The following C9orf72 variants were observed in gnomAD, a reference collection of about 807,000 sequenced individuals.
C9orf72 encodes the protein guanine nucleotide exchange factor C9orf72.
In C9orf72, 44 loss-of-function variants were observed where a neutral mutation model predicts 51.6. The ratio of observed to expected loss-of-function variants is 0.85; its 90% CI spans 0.67 to 1.10. The LOEUF is 1.10. Ranked by LOEUF, C9orf72 falls within the 50% of genes least tolerant of loss-of-function variation. The pLI, the probability that C9orf72 is intolerant of heterozygous loss-of-function variation, is 0.00. For synonymous variants in C9orf72, 213 were observed against 194.2 expected, an observed-to-expected ratio of 1.10 and a Z score of -0.81; for missense variants, 607 against 570.6, an observed-to-expected ratio of 1.06 and a Z score of -0.65.
At chr9:27,572,056 T>G (rs1414030594) in intron 1 of C9orf72, among the ~76,000 whole-genome samples, 1 of 152,208 alleles carries the variant, frequency 6.6e-6, no homozygotes, top group African/African-American at 2.4e-5. Flanking sequence ...AGGGCAGACT[T>G]GAAAAACAGA....
At position 27,566,711 on chromosome 9, in the gene C9orf72, T is replaced by A. The variant is rs753158467; in HGVS notation, c.410A>T (p.His137Leu). The A allele has an allele frequency of 1.9e-6, 3 of 1,609,864 alleles. No individual in the cohort carries two copies. The highest frequency in any genetic ancestry group is 2.5e-6 in the Non-Finnish European group (3 of 1,177,448). ...CCATATTCTTCCTTTCCGGATTATA[T>A]GTGTTAATCTATCAACACACACTCT... The part of the protein sequence containing the change: ...LHRVCVDRLT[H>L]IIRKGRIWMH... Residue 137 changes from histidine to leucine, a missense_variant, in exon 2 of 11, where the codon CAT (histidine) becomes CTT (leucine). Coordinates refer to ENST00000380003, the MANE Select transcript of C9orf72 (RefSeq NM_018325.5).
chr9:27,565,982 A>G (rs1248754896), intron 2 of C9orf72, among the ~76,000 whole-genome samples: 1 of 152,170 alleles, frequency 6.6e-6, no homozygotes, highest in Admixed American at 6.5e-5. Context: ...CATAGTAAAA[A>G]ATTATTCTTT....
Position 27,565,562 on chromosome 9 carries a change from A to G in C9orf72, c.473T>C (p.Ile158Thr), listed in dbSNP as rs1468916949. 1 of 1,606,816 alleles carries G rather than the reference A, an allele frequency of 6.2e-7. No homozygotes were observed. Among genetic ancestry groups the G allele is most frequent in the Non-Finnish European group, 8.5e-7 (1 of 1,175,794 alleles). The part of the protein sequence containing the change: ...KERQENVQKI[I>T]LEGTERMEDQ... ...TTCCATTCTCTCTGTGCCTTCTAAG[A>G]TAATCTTCTGGACATTTTCTTGTCT... The change falls in exon 3 of 11, where the codon ATC becomes ACC. Residue 158 changes from isoleucine (I) to threonine (T), a missense_variant. Coordinates refer to ENST00000380003, the MANE Select transcript of C9orf72 (RefSeq NM_018325.5).
At position 27,560,229 on chromosome 9, in the gene C9orf72, T is replaced by C. The variant is rs1048860037; in HGVS notation, c.736A>G (p.Lys246Glu). 6.3e-7 allele frequency: 1 copy of C among 1,596,478 alleles called. No individual in the cohort carries two copies. The highest frequency in any genetic ancestry group is 8.6e-7 in the Non-Finnish European group (1 of 1,168,518). The change falls in exon 6 of 11, where the codon AAG (lysine) becomes GAG (glutamate). Residue 246 changes from lysine (K) to glutamate (E), a missense_variant and splice_region_variant. Coordinates refer to ENST00000380003, the MANE Select transcript of C9orf72 (RefSeq NM_018325.5). ...VVGSSAEKVN[K>E]IVRTLCLFLT... ...TGCTAGATTATAAAATAAACTACCT[T>C]ATTTACTTTCTCTGCACTGCTACCT...
In C9orf72 at chr9:27,548,282, G is replaced by A. The variant is rs1820814765; in HGVS notation, c.1400C>T (p.Pro467Leu). The change falls in exon 11 of 11, where the codon CCT becomes CTT. Residue 467 changes from proline to leucine, a missense_variant. Transcript: ENST00000380003. Reference sequence around the variant, plus strand: ...TCGTTCTTGCACACTAGTGTAGAAAGGTCTTCCAAAGATAAAAGAGTGTAG... The same window carrying A: ...TCGTTCTTGCACACTAGTGTAGAAAAGTCTTCCAAAGATAAAAGAGTGTAG... ...PGLHSFIFGRPFYTSVQERDV... is the reference protein window; with the variant it reads ...PGLHSFIFGRLFYTSVQERDV... The A allele has an allele frequency of 2.5e-6, 4 of 1,612,592 alleles. No individual in the cohort carries two copies. The highest frequency in any genetic ancestry group is 3.4e-6 in the Non-Finnish European group (4 of 1,179,268).
chr9:27,555,625 A>G (rs1563900683), intron 8 of C9orf72, among the ~76,000 whole-genome samples: 1 of 150,362 alleles, frequency 6.7e-6, no homozygotes, highest in Non-Finnish European at 1.5e-5. Flanking sequence ...ACACTGGCAC[A>G]TCATAACTCC....
intron 7 of C9orf72, among the ~76,000 whole-genome samples, chr9:27,557,226 G>T (rs1819222909): frequency 6.6e-6 from 1 of 151,882 alleles, no homozygotes. Context: ...ATTAACAGTG[G>T]GTATTCACTG....
Position 27,548,597 on chromosome 9 carries a change from T to C in C9orf72, c.1219A>G (p.Arg407Gly). ...FLAQFLLVLH[R>G]KALTLIKYIE... ...TATTTTATTAGTGTCAAGGCTTTTC[T>C]GTGAAGGACAAGTAGAAACTGTGCA... The change falls in exon 10 of 11, where the codon AGA becomes GGA. Residue 407 changes from arginine to glycine, a missense_variant. By Grantham distance (125) the Arg-to-Gly change is moderately radical. Transcript: ENST00000380003. The C allele has an allele frequency of 6.2e-7, 1 of 1,612,096 alleles. No homozygotes were observed. The highest frequency in any genetic ancestry group is 1.1e-5 in the South Asian group (1 of 91,044).
chr9:27,573,759 A>T (rs1023939611), upstream of C9orf72: 1 of 152,452 alleles, frequency 6.6e-6, no homozygotes. Context: ...AAAGAGAAGC[A>T]ACCGGGCAGC....
intron 8 of C9orf72, among the ~76,000 whole-genome samples, chr9:27,555,700 A>G (rs1820994586): frequency 6.6e-6 from 1 of 151,916 alleles, no homozygotes; most frequent in Non-Finnish European, 1.5e-5. Context: ...AGCTAGGATT[A>G]CAGGCACACA....
At chr9:27,561,412 T>G in intron 5 of C9orf72, 173 bp downstream of exon 5, 2 of 1,381,822 alleles carry the variant, frequency 1.4e-6, no homozygotes, top group Non-Finnish European at 1.9e-6. Context: ...CAAATATATA[T>G]AGAAATATAA....
intron 1 of C9orf72, among the ~76,000 whole-genome samples, chr9:27,572,669 T>C (rs1185931823): frequency 6.6e-6 from 1 of 152,004 alleles, no homozygotes. Context: ...CTCCCTCCTG[T>C]TTCTGAATAC....
Position 27,565,633 on chromosome 9 carries a change from T to G in C9orf72, c.445-43A>C. On this transcript the variant is annotated intron_variant, in intron 2 of 10. Coordinates refer to ENST00000380003, the MANE Select transcript of C9orf72 (RefSeq NM_018325.5). ...TATTTAAAAAAACAACCCACAACAT[T>G]TTGATACTTGCTTATTTTTCAATAG... 5.9e-6 allele frequency: 7 copies of G among 1,184,994 alleles called. No homozygotes were observed. The South Asian group carries it at 7.4e-5, about 13-fold the overall frequency. The allele number at this position is 1,184,994 out of a possible 1,614,324, so 73.4% of individuals were successfully genotyped here.
chr9:27,558,180 A>C (rs1449065718), intron 7 of C9orf72, among the ~76,000 whole-genome samples: 6 of 151,396 alleles, frequency 4.0e-5, no homozygotes, highest in African/African-American at 1.5e-4. Context: ...TATTTAGTTA[A>C]AAAGAAATGA....
chr9:27,566,822 T>G lies in C9orf72; in HGVS notation c.299A>C (p.Asp100Ala). 6.2e-7 allele frequency: 1 copy of G among 1,613,918 alleles called. No individual in the cohort carries two copies. Residue 100 changes from aspartate to alanine, a missense_variant, in exon 2 of 11, where the codon GAT becomes GCT. Asp to Ala is a moderately radical substitution (Grantham distance 126). Coordinates refer to ENST00000380003, the MANE Select transcript of C9orf72 (RefSeq NM_018325.5). ...KGVIIVSLIF[D>A]GNWNGDRSTY... ...GCTGCGATCCCCATTCCAGTTTCCATCAAAGATTAATGAAACAATAATCAC... is the reference window on the plus strand; with the variant it reads ...GCTGCGATCCCCATTCCAGTTTCCAGCAAAGATTAATGAAACAATAATCAC...
intron 10 of C9orf72, 34 bp downstream of exon 10, chr9:27,548,523 A>T: frequency 6.7e-7 from 1 of 1,496,972 alleles, no homozygotes; most frequent in Non-Finnish European, 9.2e-7. Flanking sequence ...AACAATGTAC[A>T]AAGGTTTTTC....
rs145354293 is a variant in C9orf72, at chr9:27,562,905, G to A, written c.505-429C>T. ...AGGTTGGTGTCAAATTTCTGACCAT[G>A]CCCGGCCCTAAAGCTCACTTTTATT... On this transcript the variant is annotated intron_variant, in intron 3 of 10. Coordinates refer to ENST00000380003, the MANE Select transcript of C9orf72 (RefSeq NM_018325.5). Among the ~76,000 whole-genome samples, 44 of 152,018 alleles carry A rather than the reference G, an allele frequency of 2.9e-4. No homozygotes were observed. The East Asian group carries it at 8.1e-3, about 28-fold the overall frequency.
chr9:27,573,064 C>G (rs1343277324), intron 1 of C9orf72, among the ~76,000 whole-genome samples: 1 of 152,170 alleles, frequency 6.6e-6, no homozygotes, highest in Non-Finnish European at 1.5e-5. Context: ...CCGGCCTTCC[C>G]CCAGGCGAGG....
Position 27,562,424 on chromosome 9 carries a change from A to T in C9orf72, c.557T>A (p.Leu186Gln). ...LTGEVIPVME[L>Q]LSSMKSHSVP... is the part of the protein sequence containing the mutation. ...ACTGTGTGATTTCATAGATGAAAGC[A>T]GTTCCATTACAGGAATCACTTCTCC... The change falls in exon 4 of 11, where the codon CTG becomes CAG. Residue 186 changes from leucine (L) to glutamine (Q), a missense_variant. Transcript: ENST00000380003. 1 of 1,597,232 alleles carries T rather than the reference A, an allele frequency of 6.3e-7. No homozygotes were observed. The highest frequency in any genetic ancestry group is 2.3e-5 in the East Asian group (1 of 43,952).
Sources: gnomAD v4.1 joint callset for allele counts (sites outside exome capture counted in the v4.1 genomes callset) on GRCh38, gnomAD v4.1.1 for gene constraint, MANE v1.5 for transcripts, NCBI Gene and HGNC (gene_info 2026-07-23, HGNC 2026-07-21) for gene names.